The following HDAC6 variants were observed in gnomAD, a reference collection of about 807,000 sequenced individuals.
The protein encoded by HDAC6 is histone deacetylase 6.
A neutral mutation model predicts 88.9 loss-of-function variants in HDAC6; 5 were observed. The observed-to-expected ratio is 0.06, with a 90% CI of 0.03 to 0.12. HDAC6 has a LOEUF of 0.12. Among genes scored for constraint, HDAC6 ranks in the 10% least tolerant of loss-of-function variants. HDAC6 has a pLI of 1.00. For synonymous variants in HDAC6, 378 were observed against 398.0 expected (o/e 0.95, Z 0.60); for missense variants, 706 against 1,014.4 (o/e 0.70, Z 4.13).
chrX:48,803,002 G>C lies in HDAC6; in HGVS notation c.222+3G>C. The C allele has an allele frequency of 8.3e-7, 1 of 1,210,243 alleles. No homozygotes were observed. Among genetic ancestry groups the C allele is most frequent in the Non-Finnish European group, 1.1e-6 (1 of 894,526 alleles). ...TAATCGTGGGACTGCAAGGGATGGT[G>C]AGCAGGGCCTGGCTGCAGTTTAGCC... On this transcript the variant is annotated splice_donor_region_variant and intron_variant, in intron 3 of 28. Coordinates refer to ENST00000334136, the MANE Select transcript of HDAC6 (RefSeq NM_006044.4).
In HDAC6 at chrX:48,824,144, ACACT is replaced by A. The variant is rs372221516; in HGVS notation, c.3451-18_3451-15del. 34 of 1,206,275 alleles carry A rather than the reference ACACT, an allele frequency of 2.8e-5. 1 individual carries two copies. Among genetic ancestry groups the A allele is most frequent in the African/African-American group, 8.7e-5 (5 of 57,501 alleles). ...GCAGGGGGATGCTGACCCCCACCTGACACTCACACCCCCAACCTCAGGTCTACTG... is the reference window on the plus strand; with the variant it reads ...GCAGGGGGATGCTGACCCCCACCTGACACACCCCCAACCTCAGGTCTACTG... On this transcript the variant is annotated intron_variant, in intron 27 of 28. Transcript: ENST00000334136.
intron 19 of HDAC6, 84 bp downstream of exon 19, chrX:48,816,717 G>A: frequency 2.6e-6 from 2 of 776,825 alleles, no homozygotes; most frequent in Non-Finnish European, 3.5e-6. Flanking sequence ...GGCTCTGAGA[G>A]AGTCAAGCAG....
At chrX:48,816,707 G>T (rs781806488) in intron 19 of HDAC6, 74 bp downstream of exon 19, 3 of 1,001,987 alleles carry the variant, frequency 3.0e-6, no homozygotes, top group Non-Finnish European at 4.1e-6. Context: ...TGTTTCTGGA[G>T]GCTCTGAGAG....
At chrX:48,801,700 A>AGCTGGCGTAGCAC (rs1208013004), upstream of HDAC6, 1 of 361,482 alleles carries the variant, frequency 2.8e-6, no homozygotes, top group Admixed American at 4.8e-5. Context: ...GGCTCAGCCC[A>AGCTGGCGTAGCAC]GCTGGCGTAG....
In HDAC6 at chrX:48,802,899, C is replaced by G. The variant is rs1465555371; in HGVS notation, c.122C>G (p.Pro41Arg). 8.3e-7 allele frequency: 1 copy of G among 1,206,290 alleles called. No individual in the cohort carries two copies. The highest frequency in any genetic ancestry group is 1.1e-6 in the Non-Finnish European group (1 of 893,246). ...CGAAATATTAAAAAGGGAGCCGTTCCCCGCTCTATCCCCAATCTAGCGGAG... is the reference window on the plus strand; with the variant it reads ...CGAAATATTAAAAAGGGAGCCGTTCGCCGCTCTATCCCCAATCTAGCGGAG... ...SKRNIKKGAVPRSIPNLAEVK... is the reference protein window; with the variant it reads ...SKRNIKKGAVRRSIPNLAEVK... Residue 41 changes from proline (P) to arginine (R), a missense_variant, in exon 3 of 29, where the codon CCC (proline) becomes CGC (arginine). Around this residue, in one of 9 missense-constraint regions of HDAC6, gnomAD observed 193 missense variants for 258.2 expected, o/e 0.75. Transcript: ENST00000334136.
chrX:48,813,201 G>A (rs782321822), intron 10 of HDAC6, among the ~76,000 whole-genome samples: 4 of 112,332 alleles, frequency 3.6e-5, no homozygotes, highest in Non-Finnish European at 7.5e-5. Flanking sequence ...GAACCACTGC[G>A]CCCAGCCCTC....
chrX:48,812,424 TGTTGTATTG>T lies in HDAC6; in HGVS notation c.807-2013_807-2005del, dbSNP rs1253461097. 3.6e-5 allele frequency among the ~76,000 whole-genome samples: 4 copies of T among 112,338 alleles called. No individual in the cohort carries two copies. The Admixed American group carries it at 3.8e-4, about 11-fold the overall frequency. On this transcript the variant is annotated intron_variant, in intron 10 of 28. Coordinates refer to ENST00000334136, the MANE Select transcript of HDAC6 (RefSeq NM_006044.4). ...AGTAGTTAAAAGAAACAAGTAACTT[TGTTGTATTG>T]GTGATTCAGTGAGTTGGCTCTTCAG...
upstream of HDAC6, chrX:48,802,055 G>C (rs1333423192): frequency 4.4e-6 from 4 of 916,280 alleles, no homozygotes; most frequent in African/African-American, 8.3e-5. Context: ...GGTCTGGGCA[G>C]GGGGTGGAGC....
rs1557028440 is a variant in HDAC6, at chrX:48,818,298, C to T, written c.2073C>T (p.Ile691=). 6 of 1,203,271 alleles carry T rather than the reference C, an allele frequency of 5.0e-6. No homozygotes were observed. Among genetic ancestry groups the T allele is most frequent in the East Asian group, 6.0e-5 (2 of 33,500 alleles). ...GGGATGAGGGTGCCAGCAGCCAGATCGGCCGGGCTGCGGGCACAGGCTTCA... is the reference window on the plus strand; with the variant it reads ...GGGATGAGGGTGCCAGCAGCCAGATTGGCCGGGCTGCGGGCACAGGCTTCA... ...PMGDEGASSQ[I]GRAAGTGFTV... The change falls in exon 22 of 29, where the codon ATC becomes ATT. Residue 691 remains isoleucine, a synonymous_variant. Coordinates refer to ENST00000334136, the MANE Select transcript of HDAC6 (RefSeq NM_006044.4).
chrX:48,814,033 G>T (rs1756465677), intron 10 of HDAC6: 2 of 136,972 alleles, frequency 1.5e-5, no homozygotes, highest in Non-Finnish European at 2.9e-5. Context: ...GGGGCAGGTA[G>T]TGGGCGGACA....
In HDAC6 at chrX:48,802,089, C is replaced by T; in HGVS notation, c.-84C>T. ...GCTGGTTGAAGGAACGGGGCAGTCC[C>T]CTGAGGAGCGGGGCTGGTTGAAACG... On this transcript the variant is annotated 5_prime_UTR_variant, in exon 1 of 29. Transcript: ENST00000334136. 1 of 892,152 alleles carries T rather than the reference C, an allele frequency of 1.1e-6. No homozygotes were observed. The highest frequency in any genetic ancestry group is 1.4e-6 in the Non-Finnish European group (1 of 718,396). 73.5% of individuals were successfully genotyped at this position (892,152 alleles called of 1,213,427 possible). A position where few individuals can be genotyped will look rare whatever the true frequency, so the allele number is the denominator to read the frequency against.
chrX:48,802,367 C>G (rs782568572), intron 1 of HDAC6: 21 of 883,734 alleles, frequency 2.4e-5, no homozygotes, highest in Non-Finnish European at 3.0e-5. Flanking sequence ...AAAGGGCAGG[C>G]CCTAAGACGG....
chrX:48,801,967 G>T, upstream of HDAC6: 1 of 967,766 alleles, frequency 1.0e-6, no homozygotes. Context: ...CGTCGACGGC[G>T]GAGGCGGGAA....
Position 48,806,663 on chromosome X carries a change from G to A in HDAC6, c.589G>A (p.Ala197Thr), listed in dbSNP as rs781918298. The change falls in exon 8 of 29, where the codon GCG becomes ACG. Residue 197 changes from alanine (A) to threonine (T), a missense_variant. By Grantham distance (58) the Ala-to-Thr change is moderately conservative. Transcript: ENST00000334136. ...AGGCTCTGTCCTCAGGCTGGTGGAT[G>A]CGGTCCTGGGGGCTGAGATCCGGAA... ...ASGSVLRLVD[A>T]VLGAEIRNGM... 8.3e-7 allele frequency: 1 copy of A among 1,209,642 alleles called. No homozygotes were observed. The highest frequency in any genetic ancestry group is 1.1e-6 in the Non-Finnish European group (1 of 893,682).
chrX:48,802,178 G>C, intron 1 of HDAC6, 36 bp downstream of exon 1: 1 of 878,543 alleles, frequency 1.1e-6, no homozygotes, highest in Non-Finnish European at 1.4e-6. Flanking sequence ...GGAGTTAAGT[G>C]AATCGTTAAG....
chrX:48,816,316 G>A, intron 18 of HDAC6, 47 bp downstream of exon 18: 9 of 1,175,211 alleles, frequency 7.7e-6, no homozygotes, highest in Non-Finnish European at 1.0e-5. Context: ...GACTGTGGAT[G>A]AGGTCTCAGG....
intron 26 of HDAC6, 45 bp from the exon 27 acceptor site, chrX:48,823,877 G>A: frequency 8.3e-7 from 1 of 1,200,705 alleles, no homozygotes. Context: ...CATATAATGG[G>A]GAGATGGGGT....
At chrX:48,820,825 TTTG>T (rs374985832) in intron 23 of HDAC6, among the ~76,000 whole-genome samples, 36 of 110,858 alleles carry the variant, frequency 3.2e-4, no homozygotes, top group Middle Eastern at 9.3e-3. Context: ...GATCTGGTTT[TTTG>T]TTGTTGTTGT....
In HDAC6 at chrX:48,823,589, G is replaced by A; in HGVS notation, c.3189+1G>A. 8.3e-7 allele frequency: 1 copy of A among 1,206,256 alleles called. No homozygotes were observed. Among genetic ancestry groups the A allele is most frequent in the Non-Finnish European group, 1.1e-6 (1 of 891,947 alleles). On this transcript the variant is annotated splice_donor_variant, in intron 25 of 28. Coordinates refer to ENST00000334136, the MANE Select transcript of HDAC6 (RefSeq NM_006044.4). LOFTEE classifies it high-confidence loss of function. ...CTTGGAGCTAGGCAGCGAATCTCAG[G>A]TAAGGCTCACCACACCCAGGTAGGG...
Sources: gnomAD v4.1 joint callset for allele counts (sites outside exome capture counted in the v4.1 genomes callset) on GRCh38, gnomAD v4.1.1 for gene constraint, gnomAD v4.1.1 regional missense constraint, MANE v1.5 for transcripts, NCBI Gene and HGNC (gene_info 2026-07-23, HGNC 2026-07-21) for gene names.